KLHL29: variants seen among roughly 807,000 people sequenced by gnomAD.
KLHL29 encodes kelch like family member 29, also known as kelch-like protein 29.
Under a neutral mutation model 80.4 loss-of-function variants are expected in KLHL29, and 21 were observed. The observed-to-expected ratio is 0.26, with a 90% CI of 0.19 to 0.38. The LOEUF (loss-of-function observed/expected upper bound fraction) is 0.38. Among genes scored for constraint, KLHL29 ranks in the 10% least tolerant of loss-of-function variants. The pLI is 1.00. For missense variants in KLHL29, 867 were observed against 1,223.9 expected (o/e 0.71, Z 4.35); for synonymous variants, 511 against 526.8 (o/e 0.97, Z 0.41).
At chr2:23,638,711 A>G (rs1669683800) in intron 3 of KLHL29, among the ~76,000 whole-genome samples, 1 of 152,230 alleles carries the variant, frequency 6.6e-6, no homozygotes, top group African/African-American at 2.4e-5. Context: ...GTGGTGGCAC[A>G]GAGGCTGGGC....
At chr2:23,487,427 G>A (rs1664964267) in intron 2 of KLHL29, among the ~76,000 whole-genome samples, 1 of 152,152 alleles carries the variant, frequency 6.6e-6, no homozygotes, top group Non-Finnish European at 1.5e-5. Flanking sequence ...GGGACACTTT[G>A]CAGCCTCTGG....
In KLHL29 at chr2:23,594,097, G is replaced by A. The variant is rs986115594; in HGVS notation, c.285+31616G>A. On this transcript the variant is annotated intron_variant, in intron 3 of 13. Coordinates refer to ENST00000486442, the MANE Select transcript of KLHL29 (RefSeq NM_052920.2). ...GAAAGGCTGGGTGTGGCAGCCCTTG[G>A]AGGAGGGGATTTAATGACAGGGGTG... Among the ~76,000 whole-genome samples, 4 of 152,182 alleles carry A rather than the reference G, an allele frequency of 2.6e-5. No individual in the cohort carries two copies. In the South Asian group the frequency reaches 8.3e-4, roughly 32 times the overall value.
rs17045819 is a variant in KLHL29, at chr2:23,707,109, T to C, written c.*445T>C. On this transcript the variant is annotated 3_prime_UTR_variant, in exon 14 of 14. Coordinates refer to ENST00000486442, the MANE Select transcript of KLHL29 (RefSeq NM_052920.2). Reference sequence around the variant, plus strand: ...ATCACTTTGATTCCTACTTTTGTTTTTTAACCGATCTACACTTTCAGTGGC... The same window carrying C: ...ATCACTTTGATTCCTACTTTTGTTTCTTAACCGATCTACACTTTCAGTGGC... 0.092 allele frequency: 12,084 copies of C among 131,370 alleles called. 530 individuals are homozygous for C. Among genetic ancestry groups the C allele is most frequent in the South Asian group, 0.15 (613 of 4,096 alleles). The allele number at this position is 131,370 out of a possible 1,614,324, so 8.1% of individuals were successfully genotyped here. A position where few individuals can be genotyped will look rare whatever the true frequency, so the allele number is the denominator to read the frequency against.
intron 2 of KLHL29, among the ~76,000 whole-genome samples, chr2:23,486,976 G>A (rs570024741): frequency 6.6e-6 from 1 of 152,340 alleles, no homozygotes; most frequent in Non-Finnish European, 1.5e-5. Context: ...CCTTAGGGCT[G>A]TAGCTACTGT....
intron 3 of KLHL29, among the ~76,000 whole-genome samples, chr2:23,635,637 G>A (rs1053267609): frequency 1.1e-4 from 17 of 152,240 alleles, no homozygotes; most frequent in Admixed American, 3.9e-4. Context: ...AAGCTGCTGC[G>A]TTAATGATGC....
intron 2 of KLHL29, among the ~76,000 whole-genome samples, chr2:23,545,861 A>C (rs1709302): frequency 0.58 from 88,463 of 152,126 alleles, 27,978 homozygotes; most frequent in East Asian, 0.96. Flanking sequence ...CAGGTGGGGA[A>C]CACAGCTTTC....
chr2:23,592,844 T>C (rs1261582065), intron 3 of KLHL29, among the ~76,000 whole-genome samples: 1 of 152,214 alleles, frequency 6.6e-6, no homozygotes, highest in Admixed American at 6.5e-5. Context: ...GCAGGTAAGC[T>C]GGTGTCCCCT....
intron 3 of KLHL29, among the ~76,000 whole-genome samples, chr2:23,608,595 A>C (rs1668784698): frequency 6.6e-6 from 1 of 152,226 alleles, no homozygotes; most frequent in African/African-American, 2.4e-5. Flanking sequence ...TTTAATTGAA[A>C]TGCATTCATT....
chr2:23,472,880 G>T (rs1664536657), intron 1 of KLHL29, among the ~76,000 whole-genome samples: 1 of 152,188 alleles, frequency 6.6e-6, no homozygotes, highest in African/African-American at 2.4e-5. Flanking sequence ...AACCCTCTCT[G>T]TGAATGTATC....
At position 23,561,144 on chromosome 2, in the gene KLHL29, GC is replaced by G. The variant is rs577872217; in HGVS notation, c.-45-1005del. 4.6e-5 allele frequency among the ~76,000 whole-genome samples: 7 copies of G among 152,314 alleles called. No homozygotes were observed. The South Asian group carries it at 1.5e-3, about 32-fold the overall frequency. ...CCTACCCTAACCCACCACCACTTGT[GC>G]CCTGGCACTGCCATGCCCTCTCCCC... On this transcript the variant is annotated intron_variant, in intron 2 of 13. Coordinates refer to ENST00000486442, the MANE Select transcript of KLHL29 (RefSeq NM_052920.2).
intron 3 of KLHL29, among the ~76,000 whole-genome samples, chr2:23,586,507 C>T (rs1572418791): frequency 6.6e-6 from 1 of 151,688 alleles, no homozygotes; most frequent in Non-Finnish European, 1.5e-5. Context: ...TTACAGGCAC[C>T]TGCCACCATG....
intron 1 of KLHL29, among the ~76,000 whole-genome samples, chr2:23,473,000 A>G (rs1402552020): frequency 6.6e-6 from 1 of 152,252 alleles, no homozygotes; most frequent in Non-Finnish European, 1.5e-5. Context: ...ATCATAGCAC[A>G]GTGCCCCCAG....
intron 2 of KLHL29, among the ~76,000 whole-genome samples, chr2:23,536,577 A>G (rs1010852235): frequency 6.6e-6 from 1 of 152,198 alleles, no homozygotes; most frequent in Non-Finnish European, 1.5e-5. Flanking sequence ...AACCCTTCCC[A>G]TGCTCAGAGG....
intron 2 of KLHL29, among the ~76,000 whole-genome samples, chr2:23,560,136 G>A (rs2103495506): frequency 6.6e-6 from 1 of 152,302 alleles, no homozygotes; most frequent in Non-Finnish European, 1.5e-5. Context: ...AGGTCACAGA[G>A]TGAACAGGAC....
chr2:23,703,418 G>A (rs759003430), intron 12 of KLHL29, 39 bp downstream of exon 12: 168 of 1,410,044 alleles, frequency 1.2e-4, no homozygotes, highest in Admixed American at 1.6e-4. Context: ...GGCCAGGGTC[G>A]CATCCCTGCC....
chr2:23,676,053 AGACATTCCTCTGTAATAAG>A (rs1407289652), intron 5 of KLHL29, among the ~76,000 whole-genome samples: 1 of 152,342 alleles, frequency 6.6e-6, no homozygotes. Context: ...ACAGACAGAC[AGACATTCCTCTGTAATAAG>A]GCAGCCAAGG....
chr2:23,512,057 A>G (rs1665788816), intron 2 of KLHL29, among the ~76,000 whole-genome samples: 1 of 152,216 alleles, frequency 6.6e-6, no homozygotes, highest in South Asian at 2.1e-4. Flanking sequence ...CCCGCAGTGG[A>G]TGCAGCAGAC....
chr2:23,402,860 GTA>G (rs1359714854), intron 1 of KLHL29, among the ~76,000 whole-genome samples: 3 of 142,672 alleles, frequency 2.1e-5, no homozygotes, highest in Non-Finnish European at 4.7e-5. Flanking sequence ...ATATGTGTGT[GTA>G]TATATATGTA....
At chr2:23,638,538 C>T (rs188873849) in intron 3 of KLHL29, among the ~76,000 whole-genome samples, 55 of 152,296 alleles carry the variant, frequency 3.6e-4, no homozygotes, top group African/African-American at 1.2e-3. Flanking sequence ...GAGCTATCCC[C>T]GCCATGGGCC....
Sources: allele counts gnomAD v4.1 joint callset (sites outside exome capture counted in the v4.1 genomes callset), GRCh38; gene constraint gnomAD v4.1.1; transcripts MANE v1.5; gene names NCBI Gene and HGNC (gene_info 2026-07-23, HGNC 2026-07-21).